Variants in ZNF385A observed in about 807,000 individuals in gnomAD.
The protein encoded by ZNF385A is hematopoietic zinc finger protein.
A neutral mutation model predicts 32.1 loss-of-function variants in ZNF385A; 14 were observed. That is an observed-to-expected ratio of 0.44 (90% CI 0.29 to 0.68). ZNF385A has a LOEUF of 0.68. ZNF385A is among the 30% of genes least tolerant of loss of function. ZNF385A has a pLI of 0.14. For synonymous variants in ZNF385A, 197 were observed against 202.7 expected, an observed-to-expected ratio of 0.97 and a Z score of 0.24; for missense variants, 406 against 478.4, an observed-to-expected ratio of 0.85 and a Z score of 1.41.
rs111505697 is a variant in ZNF385A, at chr12:54,375,886, G to A, written c.156C>T (p.Pro52=). ...TTTGACAGATATTACAGGAAATGACGGGCCGCTTGGTCTTGAGCAAGGGTC... is the reference window on the plus strand; with the variant it reads ...TTTGACAGATATTACAGGAAATGACAGGCCGCTTGGTCTTGAGCAAGGGTC... ...FGGPLLKTKR[P]VISCNICQIR... is the part of the protein sequence containing the mutation. Residue 52 remains proline, a synonymous_variant, in exon 2 of 7, where the codon CCC becomes CCT. Transcript: ENST00000394313. 7.1e-5 allele frequency: 114 copies of A among 1,614,090 alleles called. No individual in the cohort carries two copies. The African/African-American group carries it at 1.2e-3, about 17-fold the overall frequency.
intron 1 of ZNF385A, 94 bp downstream of exon 1, chr12:54,384,334 A>G: frequency 7.2e-7 from 1 of 1,386,368 alleles, no homozygotes; most frequent in South Asian, 1.5e-5. Context: ...AGAGGAGATA[A>G]GGAATTAGAA....
At chr12:54,380,490 G>T (rs1179042630) in intron 1 of ZNF385A, among the ~76,000 whole-genome samples, 2 of 152,174 alleles carry the variant, frequency 1.3e-5, no homozygotes, top group Non-Finnish European at 2.9e-5. Context: ...TACTTCCAAA[G>T]GCCTGTCTGC....
intron 2 of ZNF385A, 62 bp from the exon 3 acceptor site, chr12:54,374,197 C>CGG (rs3832831): frequency 1.4e-6 from 2 of 1,394,038 alleles, no homozygotes; most frequent in Admixed American, 5.1e-5. Context: ...GATCTCCCCA[C>CGG]AGAGCTCCCT....
chr12:54,379,205 G>A (rs1955008749), intron 1 of ZNF385A: 2 of 982,066 alleles, frequency 2.0e-6, no homozygotes, highest in South Asian at 4.7e-5. Context: ...CCCGGCCGGC[G>A]GGGAGAAGGG....
chr12:54,374,391 G>A (rs376646543), intron 2 of ZNF385A, among the ~76,000 whole-genome samples: 1 of 101,790 alleles, frequency 9.8e-6, no homozygotes, highest in African/African-American at 3.7e-5. Context: ...CCAGGGCCTG[G>A]CTGCTGACTC....
chr12:54,381,556 A>G (rs932960521), intron 1 of ZNF385A: 2 of 152,226 alleles, frequency 1.3e-5, no homozygotes, highest in African/African-American at 2.4e-5. Flanking sequence ...AATGGGGACA[A>G]TGATGGGGTT....
intron 4 of ZNF385A, 53 bp downstream of exon 4, chr12:54,371,420 G>A (rs1954544122): frequency 4.4e-6 from 7 of 1,576,684 alleles, no homozygotes; most frequent in Non-Finnish European, 6.0e-6. Context: ...GGATGTAGAG[G>A]CAGGGGTGGC....
At chr12:54,390,661 AAGCCCCTCTTCTCCCC>A (rs914927241) in intron 1 of ZNF385A, among the ~76,000 whole-genome samples, 14 of 33,570 alleles carry the variant, frequency 4.2e-4, no homozygotes, top group South Asian at 9.8e-4. Context: ...CTCTTCTCCC[AAGCCCCTCTTCTCCCC>A]AGCCCCTCTG....
At position 54,384,355 on chromosome 12, in the gene ZNF385A, A is replaced by T. The variant is rs1592267475; in HGVS notation, c.87+73T>A. 3 of 1,452,064 alleles carry T rather than the reference A, an allele frequency of 2.1e-6. No homozygotes were observed. The East Asian group carries it at 7.9e-5, about 38-fold the overall frequency. 89.9% of individuals were successfully genotyped at this position (1,452,064 alleles called of 1,614,324 possible). On this transcript the variant is annotated intron_variant, in intron 1 of 6. Coordinates refer to ENST00000394313, the MANE Select transcript of ZNF385A (RefSeq NM_015481.3). The stretch of plus-strand genomic sequence containing the variant: ...GATAAGGAATTAGAAACAGAAGAAG[A>T]GGGCAGAGGTGGGTCTGAGAGAGAA...
In ZNF385A at chr12:54,370,084, A is replaced by C; in HGVS notation, c.*172T>G. 2 of 504,214 alleles carry C rather than the reference A, an allele frequency of 4.0e-6. No individual in the cohort carries two copies. The highest frequency in any genetic ancestry group is 6.7e-6 in the Non-Finnish European group (2 of 296,936). The allele number at this position is 504,214 out of a possible 1,614,324, so 31.2% of individuals were successfully genotyped here. A position where few individuals can be genotyped will look rare whatever the true frequency, so the allele number is the denominator to read the frequency against. On this transcript the variant is annotated 3_prime_UTR_variant, in exon 7 of 7. Transcript: ENST00000394313. This position sits in a 1 kb window ranked among gnomAD's most constrained non-coding sequence, Gnocchi z 5.5. ...GATCTGGGGTGTTCCCCCCCTTCTG[A>C]AGCCCCCCTCCCCCGCTACCCCTCC...
rs60672533 is a variant in ZNF385A at position 54,373,125 on chromosome 12, CTG to C, written c.361+846_361+847del. On this transcript the variant is annotated intron_variant, in intron 3 of 6. Coordinates refer to ENST00000394313, the MANE Select transcript of ZNF385A (RefSeq NM_015481.3). Reference sequence around the variant, plus strand: ...CTGACTGTGCATCCCTGAGGGGGTTCTGTGTGTGTGTGTGTGTGTGTGTGTGT... The same window carrying C: ...CTGACTGTGCATCCCTGAGGGGGTTCTGTGTGTGTGTGTGTGTGTGTGTGT... 1,377 of 139,074 alleles carry C rather than the reference CTG, an allele frequency of 9.9e-3. 14 individuals are homozygous for C. The highest frequency in any genetic ancestry group is 0.049 in the South Asian group (242 of 4,942). The allele number at this position is 139,074 out of a possible 1,614,324, so 8.6% of individuals were successfully genotyped here.
chr12:54,384,673 C>A lies in ZNF385A; in HGVS notation c.-159G>T. On this transcript the variant is annotated 5_prime_UTR_variant, in exon 1 of 7. Transcript: ENST00000394313. ...CCAGGGCCCCCACACTCAGAAGTGT[C>A]ACCCTCAGTGCACATAGTGTACACA... The A allele has an allele frequency of 7.1e-7, 1 of 1,412,826 alleles. No homozygotes were observed. Among genetic ancestry groups the A allele is most frequent in the South Asian group, 1.5e-5 (1 of 65,196 alleles). The allele number at this position is 1,412,826 out of a possible 1,614,324, so 87.5% of individuals were successfully genotyped here.
In ZNF385A at chr12:54,384,530, T is replaced by G; in HGVS notation, c.-16A>C. 1 of 1,512,308 alleles carries G rather than the reference T, an allele frequency of 6.6e-7. No homozygotes were observed. The highest frequency in any genetic ancestry group is 8.8e-7 in the Non-Finnish European group (1 of 1,132,992). 93.7% of individuals were successfully genotyped at this position (1,512,308 alleles called of 1,614,324 possible). A position where few individuals can be genotyped will look rare whatever the true frequency, so the allele number is the denominator to read the frequency against. Reference sequence around the variant, plus strand: ...GGGGCTGCATGATCGGGGGCTGCCGTAGCAGAGGCAGGGGCCCTGCCCGGC... The same window carrying G: ...GGGGCTGCATGATCGGGGGCTGCCGGAGCAGAGGCAGGGGCCCTGCCCGGC... On this transcript the variant is annotated 5_prime_UTR_variant, in exon 1 of 7. Transcript: ENST00000394313.
upstream of ZNF385A, among the ~76,000 whole-genome samples, chr12:54,388,201 G>A (rs1289058723): frequency 1.3e-5 from 2 of 152,074 alleles, no homozygotes; most frequent in Non-Finnish European, 2.9e-5. Context: ...GCTTCATCGA[G>A]AATTGCTAAA....
intron 3 of ZNF385A, among the ~76,000 whole-genome samples, chr12:54,372,146 G>A (rs1272509469): frequency 6.6e-6 from 1 of 152,242 alleles, no homozygotes; most frequent in African/African-American, 2.4e-5. Flanking sequence ...GGCAGGGTGA[G>A]GAAAGGTCTG....
In ZNF385A at chr12:54,371,011, C is replaced by T. The variant is rs143375749; in HGVS notation, c.690G>A (p.Gly230=). ...AYPRLGPPTP[G]EPEAPAQDRT... ...GGTCCTGGGCAGGAGCCTCTGGTTCCCCCGGGGTGGGAGGCCCCAGCCGAG... is the reference window on the plus strand; with the variant it reads ...GGTCCTGGGCAGGAGCCTCTGGTTCTCCCGGGGTGGGAGGCCCCAGCCGAG... Residue 230 remains glycine, a synonymous_variant, in exon 5 of 7, where the codon GGG becomes GGA. Transcript: ENST00000394313. 6.6e-4 allele frequency: 1,058 copies of T among 1,614,060 alleles called. 3 individuals carry two copies. Among genetic ancestry groups the T allele is most frequent in the Admixed American group, 1.5e-3 (90 of 60,006 alleles).
chr12:54,378,672 TAGGAA>T (rs776858706), intron 1 of ZNF385A, among the ~76,000 whole-genome samples: 6 of 150,948 alleles, frequency 4.0e-5, no homozygotes, highest in Non-Finnish European at 7.4e-5. Flanking sequence ...AGGACTGAGA[TAGGAA>T]AGAGAGGGAG....
At chr12:54,386,208 A>T (rs1260743519), upstream of ZNF385A, among the ~76,000 whole-genome samples, 2 of 142,982 alleles carry the variant, frequency 1.4e-5, no homozygotes, top group Non-Finnish European at 1.5e-5. Context: ...ACACACACAC[A>T]CAGAGAGACG....
At chr12:54,389,462 A>G (rs1592276672), upstream of ZNF385A, among the ~76,000 whole-genome samples, 1 of 152,128 alleles carries the variant, frequency 6.6e-6, no homozygotes, top group East Asian at 1.9e-4. Flanking sequence ...TGGCATAAGG[A>G]GGGAATTAAT....
Sources: allele counts gnomAD v4.1 joint callset (sites outside exome capture counted in the v4.1 genomes callset), GRCh38; gene constraint gnomAD v4.1.1; non-coding constraint Gnocchi (gnomAD v3.1); transcripts MANE v1.5; gene names NCBI Gene and HGNC (gene_info 2026-07-23, HGNC 2026-07-21).